ZPBP: variants seen among roughly 807,000 people sequenced by gnomAD.
ZPBP encodes zona pellucida binding protein.
Under a neutral mutation model 44.8 loss-of-function variants are expected in ZPBP, and 26 were observed. The ratio of observed to expected loss-of-function variants is 0.58; its 90% CI spans 0.43 to 0.81. ZPBP has a LOEUF of 0.81. ZPBP is among the 30% of genes least tolerant of loss of function. ZPBP has a pLI of 0.00. For missense variants in ZPBP, 409 were observed against 434.0 expected (o/e 0.94, Z 0.51); for synonymous variants, 174 against 153.2 (o/e 1.14, Z -1.00).
intron 4 of ZPBP, among the ~76,000 whole-genome samples, chr7:50,055,361 C>G (rs1034163460): frequency 6.6e-6 from 1 of 152,142 alleles, no homozygotes; most frequent in Admixed American, 6.5e-5. Flanking sequence ...AAAATAGAAT[C>G]AATTGCATTT....
chr7:50,028,612 T>A (rs2128810434), intron 5 of ZPBP, among the ~76,000 whole-genome samples: 1 of 151,290 alleles, frequency 6.6e-6, no homozygotes, highest in South Asian at 2.1e-4. Context: ...AAAAAAACAC[T>A]ATTAGAGCTA....
intron 4 of ZPBP, 28 bp downstream of exon 4, chr7:50,057,961 T>G: frequency 6.3e-7 from 1 of 1,593,602 alleles, no homozygotes; most frequent in Non-Finnish European, 8.6e-7. Flanking sequence ...TTAAGAAAGG[T>G]TAAAACACAA....
intron 6 of ZPBP, among the ~76,000 whole-genome samples, chr7:50,016,661 C>A (rs1235565552): frequency 6.6e-6 from 1 of 152,038 alleles, no homozygotes; most frequent in African/African-American, 2.4e-5. Flanking sequence ...ACTCCTAATC[C>A]CTATGCTTTA....
At chr7:50,029,333 T>G (rs1799486991) in intron 5 of ZPBP, among the ~76,000 whole-genome samples, 1 of 152,170 alleles carries the variant, frequency 6.6e-6, no homozygotes, top group Admixed American at 6.6e-5. Flanking sequence ...ATATATACAA[T>G]TAGCTCAAAA....
rs182732052 is a variant in ZPBP, at chr7:49,977,292, T to C, written c.961+6050A>G. ...TTTGTGGGTCGAAAAGGCGGATGAG[T>C]TTTATTTCGTACTGATAATAGAACT... On this transcript the variant is annotated intron_variant, in intron 7 of 7. Transcript: ENST00000046087. 2.4e-3 allele frequency among the ~76,000 whole-genome samples: 361 copies of C among 152,034 alleles called. 7 individuals are homozygous for C. Among genetic ancestry groups the C allele is most frequent in the Non-Finnish European group, 4.5e-3 (305 of 67,968 alleles).
At chr7:49,870,836 T>A (rs989474904) in intron 2 of ZPBP, among the ~76,000 whole-genome samples, 1 of 152,186 alleles carries the variant, frequency 6.6e-6, no homozygotes, top group African/African-American at 2.4e-5. Flanking sequence ...TACTGATGCT[T>A]GTGGGAGAAT....
chr7:50,065,217 A>G (rs1406339766), intron 3 of ZPBP, among the ~76,000 whole-genome samples: 2 of 138,308 alleles, frequency 1.4e-5, no homozygotes, highest in African/African-American at 2.8e-5. Flanking sequence ...AATTAGAAAG[A>G]GGAAGGCTTG....
chr7:50,061,119 T>C (rs566717343), intron 3 of ZPBP, among the ~76,000 whole-genome samples: 6 of 152,278 alleles, frequency 3.9e-5, no homozygotes, highest in Non-Finnish European at 5.9e-5. Context: ...CCTCCCTTTA[T>C]GTTAAAAACC....
At chr7:49,872,873 GC>G (rs1462659920) in intron 2 of ZPBP, among the ~76,000 whole-genome samples, 1 of 118,636 alleles carries the variant, frequency 8.4e-6, no homozygotes, top group Non-Finnish European at 1.6e-5. Context: ...CCGAGATCAT[GC>G]CATTGCACTC....
At chr7:49,943,470 A>C in intron 7 of ZPBP, 1 of 457,098 alleles carries the variant, frequency 2.2e-6, no homozygotes, top group Non-Finnish European at 4.3e-6. Context: ...ACCTCTTGCC[A>C]ACATTTAGAT....
intron 2 of ZPBP, among the ~76,000 whole-genome samples, chr7:49,898,868 A>G (rs1792543293): frequency 6.6e-6 from 1 of 152,118 alleles, no homozygotes; most frequent in South Asian, 2.1e-4. Context: ...CTAAGAAAGA[A>G]GAAAAATAGA....
intron 2 of ZPBP, among the ~76,000 whole-genome samples, chr7:50,088,249 T>C (rs1382382442): frequency 6.6e-6 from 1 of 152,026 alleles, no homozygotes; most frequent in Non-Finnish European, 1.5e-5. Context: ...GCATGACCTC[T>C]ACCTTGCACC....
chr7:49,960,254 T>C (rs1795804646), intron 7 of ZPBP, among the ~76,000 whole-genome samples: 1 of 152,058 alleles, frequency 6.6e-6, no homozygotes, highest in South Asian at 2.1e-4. Flanking sequence ...AGCTCGTCTC[T>C]ACTAAAAATA....
intron 3 of ZPBP, among the ~76,000 whole-genome samples, chr7:50,061,359 G>T (rs1280928031): frequency 1.3e-5 from 2 of 152,234 alleles, no homozygotes; most frequent in Middle Eastern, 3.4e-3. Context: ...CAGGAAAAGA[G>T]GACTTCAAAT....
intron 7 of ZPBP, among the ~76,000 whole-genome samples, chr7:49,975,236 G>A (rs1274412268): frequency 6.6e-6 from 1 of 152,124 alleles, no homozygotes; most frequent in Non-Finnish European, 1.5e-5. Context: ...CTCAAAAACA[G>A]TGACTGTCAC....
chr7:49,848,970 G>T (rs1259048277), downstream of ZPBP, among the ~76,000 whole-genome samples: 3 of 152,186 alleles, frequency 2.0e-5, no homozygotes, highest in Non-Finnish European at 2.9e-5. Context: ...TCTAAACTGT[G>T]GAAAATGTGT....
chr7:50,084,592 T>G (rs1373581210), intron 2 of ZPBP, among the ~76,000 whole-genome samples: 1 of 151,888 alleles, frequency 6.6e-6, no homozygotes, highest in Non-Finnish European at 1.5e-5. Context: ...GAAGAAATGG[T>G]GGGCACAAAA....
chr7:49,965,427 C>A (rs1485585878), intron 7 of ZPBP, among the ~76,000 whole-genome samples: 3 of 151,684 alleles, frequency 2.0e-5, no homozygotes, highest in Non-Finnish European at 4.4e-5. Context: ...CAAAATAATT[C>A]AACAATTAAG....
At chr7:49,902,528 C>T (rs1173834328) in intron 1 of ZPBP, among the ~76,000 whole-genome samples, 1 of 141,458 alleles carries the variant, frequency 7.1e-6, no homozygotes, top group African/African-American at 2.6e-5. Context: ...TAACAAATGA[C>T]ACTGTAACAA....
Sources: allele counts gnomAD v4.1 joint callset (sites outside exome capture counted in the v4.1 genomes callset), GRCh38; gene constraint gnomAD v4.1.1; transcripts MANE v1.5; gene names NCBI Gene and HGNC (gene_info 2026-07-23, HGNC 2026-07-21).